Variants in WNT3A observed in about 807,000 individuals in gnomAD.
WNT3A encodes protein Wnt-3a.
A neutral mutation model predicts 37.0 loss-of-function variants in WNT3A; 17 were observed. That is an observed-to-expected ratio of 0.46 (90% CI 0.31 to 0.69). The LOEUF (loss-of-function observed/expected upper bound fraction) is 0.69. Ranked by LOEUF, WNT3A falls within the 30% of genes least tolerant of loss-of-function variation. The pLI is 0.05. For missense variants in WNT3A, 411 were observed against 510.2 expected, an observed-to-expected ratio of 0.81 and a Z score of 1.87; for synonymous variants, 187 against 211.0, an observed-to-expected ratio of 0.89 and a Z score of 0.99.
At position 228,042,213 on chromosome 1, in the gene WNT3A, G is replaced by A. The variant is rs542665154; in HGVS notation, c.314-8443G>A. Among the ~76,000 whole-genome samples the A allele has an allele frequency of 2.3e-4, 35 of 152,222 alleles. No homozygotes were observed. The highest frequency in any genetic ancestry group is 6.7e-4 in the African/African-American group (28 of 41,544). On this transcript the variant is annotated intron_variant, in intron 2 of 3. Transcript: ENST00000284523. The surrounding 1 kb of genome is among the most constrained non-coding windows in gnomAD (Gnocchi z 5.2). ...AGGATGGTCTCAATCTCTTGACCTC[G>A]TCATCTGCCCACCTCAGCCTCCCAA...
intron 2 of WNT3A, among the ~76,000 whole-genome samples, chr1:228,033,238 G>A (rs1335159917): frequency 1.3e-5 from 2 of 152,154 alleles, no homozygotes; most frequent in African/African-American, 4.8e-5. Context: ...CCATATCTAA[G>A]AGACAATTGC....
chr1:228,050,093 CAG>C lies in WNT3A; in HGVS notation c.314-562_314-561del. Among the ~76,000 whole-genome samples the C allele has an allele frequency of 6.6e-6, 1 of 151,910 alleles. No homozygotes were observed. The highest frequency in any genetic ancestry group is 3.4e-3 in the Middle Eastern group (1 of 290). ...CTTGCCAGCTGTATGTTTTTTAAGA[CAG>C]GGCTGGAGTGCAGTGGTGCTATCCT... On this transcript the variant is annotated intron_variant, in intron 2 of 3. Transcript: ENST00000284523. The surrounding 1 kb of genome is among the most constrained non-coding windows in gnomAD (Gnocchi z 5.0).
At chr1:228,025,356 T>C (rs1327202132) in intron 2 of WNT3A, among the ~76,000 whole-genome samples, 1 of 152,126 alleles carries the variant, frequency 6.6e-6, no homozygotes, top group Non-Finnish European at 1.5e-5. Flanking sequence ...TGTTTGTTTG[T>C]TTTTGTTTTT....
intron 1 of WNT3A, among the ~76,000 whole-genome samples, chr1:228,014,479 A>G (rs1045684864): frequency 5.9e-5 from 9 of 152,174 alleles, no homozygotes; most frequent in African/African-American, 2.2e-4. Context: ...GCTAAAAGAC[A>G]CCAGGCCTGG....
chr1:228,007,118 C>G lies in WNT3A; in HGVS notation c.-11C>G. 1.9e-6 allele frequency: 3 copies of G among 1,569,268 alleles called. No homozygotes were observed. The highest frequency in any genetic ancestry group is 2.6e-6 in the Non-Finnish European group (3 of 1,159,854). ...GCGGACTCCCGGCCCTCCGCGCCCT[C>G]TCGCGCGGCGATGGCCCCACTCGGA... On this transcript the variant is annotated 5_prime_UTR_variant, in exon 1 of 4. Coordinates refer to ENST00000284523, the MANE Select transcript of WNT3A (RefSeq NM_033131.4). This position sits in a 1 kb window ranked among gnomAD's most constrained non-coding sequence, Gnocchi z 6.0.
Position 228,022,688 on chromosome 1 carries a change from G to A in WNT3A, c.93G>A (p.Gln31=), listed in dbSNP as rs763783027. 2 of 1,614,060 alleles carry A rather than the reference G, an allele frequency of 1.2e-6. No homozygotes were observed. The highest frequency in any genetic ancestry group is 1.7e-5 in the Admixed American group (1 of 60,022). Residue 31 remains glutamine (Q), a synonymous_variant, in exon 2 of 4, where the codon CAG becomes CAA. Transcript: ENST00000284523. ...PIWWSLAVGP[Q]YSSLGSQPIL... ...GCAGGTCGCTGGCTGTTGGGCCACA[G>A]TATTCCTCCCTGGGCTCGCAGCCCA...
At position 228,047,312 on chromosome 1, in the gene WNT3A, C is replaced by T. The variant is rs13376036; in HGVS notation, c.314-3344C>T. On this transcript the variant is annotated intron_variant, in intron 2 of 3. Transcript: ENST00000284523. ...ACAGAAAAGTCAACCAAAGCAGGCC[C>T]GAGGGGCTCAGGGGGCTTTGTCAAC... 9.6e-3 allele frequency among the ~76,000 whole-genome samples: 1,458 copies of T among 152,276 alleles called. 37 individuals carry two copies. The highest frequency in any genetic ancestry group is 0.083 in the East Asian group (432 of 5,186).
At chr1:228,051,228 C>T (rs763515595) in intron 3 of WNT3A, among the ~76,000 whole-genome samples, 15 of 151,972 alleles carry the variant, frequency 9.9e-5, no homozygotes, top group Non-Finnish European at 1.5e-4. Context: ...GCCACAGAGA[C>T]GGGGAGGAAT....
At chr1:228,058,640 T>C (rs2031728479) in intron 3 of WNT3A, among the ~76,000 whole-genome samples, 1 of 152,264 alleles carries the variant, frequency 6.6e-6, no homozygotes, top group Non-Finnish European at 1.5e-5. Flanking sequence ...CCTATCCCCC[T>C]GCATCCCTGC....
At chr1:228,028,275 T>G (rs2030903020) in intron 2 of WNT3A, among the ~76,000 whole-genome samples, 1 of 149,040 alleles carries the variant, frequency 6.7e-6, no homozygotes, top group African/African-American at 2.5e-5. Context: ...ATTTGGGATC[T>G]TTTTTGGTTA....
At chr1:228,012,643 G>A (rs2030407866) in intron 1 of WNT3A, among the ~76,000 whole-genome samples, 1 of 152,148 alleles carries the variant, frequency 6.6e-6, no homozygotes, top group African/African-American at 2.4e-5. Context: ...GCTGGTTGCT[G>A]TTTCTGTTCA....
In WNT3A at chr1:228,038,513, G is replaced by A. The variant is rs2031196041; in HGVS notation, c.314-12143G>A. On this transcript the variant is annotated intron_variant, in intron 2 of 3. Transcript: ENST00000284523. The surrounding 1 kb of genome is among the most constrained non-coding windows in gnomAD (Gnocchi z 5.7). ...CATTTGGGGCCACAGTGACCTGCAGGCCCCTGGCCAGTCTGGTCAGGTGGT... is the reference window on the plus strand; with the variant it reads ...CATTTGGGGCCACAGTGACCTGCAGACCCCTGGCCAGTCTGGTCAGGTGGT... Among the ~76,000 whole-genome samples, 1 of 152,216 alleles carries A rather than the reference G, an allele frequency of 6.6e-6. No homozygotes were observed. The highest frequency in any genetic ancestry group is 1.5e-5 in the Non-Finnish European group (1 of 68,024).
intron 2 of WNT3A, among the ~76,000 whole-genome samples, chr1:228,027,102 C>G (rs1236894222): frequency 6.6e-6 from 1 of 152,216 alleles, no homozygotes; most frequent in Non-Finnish European, 1.5e-5. Context: ...CTCAGCCTCC[C>G]TAAGTGCTGG....
chr1:228,028,987 GACAA>G (rs2030924531), intron 2 of WNT3A, among the ~76,000 whole-genome samples: 1 of 152,038 alleles, frequency 6.6e-6, no homozygotes, highest in Non-Finnish European at 1.5e-5. Context: ...GGTTAAAACA[GACAA>G]ACAATTCCTT....
intron 1 of WNT3A, among the ~76,000 whole-genome samples, chr1:228,013,387 T>C (rs2030434069): frequency 1.3e-5 from 2 of 152,086 alleles, no homozygotes; most frequent in African/African-American, 4.8e-5. Flanking sequence ...ACCCTGGAGG[T>C]GTCTCTCACG....
intron 1 of WNT3A, among the ~76,000 whole-genome samples, chr1:228,011,171 C>G (rs146496311): frequency 6.6e-6 from 1 of 152,144 alleles, no homozygotes; most frequent in African/African-American, 2.4e-5. Flanking sequence ...AGAAGGAGCT[C>G]GGCTGGAATG....
Position 228,015,009 on chromosome 1 carries a change from G to GA in WNT3A, c.72-7651dup, listed in dbSNP as rs1174387919. ...CCCCTTCAAAACAAACGATTGTTAG[G>GA]AAAAAAACAAAACAAAACAAAACAA... On this transcript the variant is annotated intron_variant, in intron 1 of 3. Coordinates refer to ENST00000284523, the MANE Select transcript of WNT3A (RefSeq NM_033131.4). 4.6e-5 allele frequency among the ~76,000 whole-genome samples: 7 copies of GA among 152,122 alleles called. No individual in the cohort carries two copies. In the East Asian group the frequency reaches 7.7e-4, roughly 17 times the overall value.
rs111426627 is a variant in WNT3A at position 228,045,296 on chromosome 1, C to T, written c.314-5360C>T. Among the ~76,000 whole-genome samples, 74 of 152,088 alleles carry T rather than the reference C, an allele frequency of 4.9e-4. 1 individual carries two copies. Among genetic ancestry groups the T allele is most frequent in the Non-Finnish European group, 7.2e-4 (49 of 68,020 alleles). ...AGACAGACTCTTGTAGTAGCCAGGC[C>T]GTGAGGTGGGAAGGCAGACTCAGCT... On this transcript the variant is annotated intron_variant, in intron 2 of 3. Transcript: ENST00000284523.
At chr1:228,040,835 G>A (rs1571807605) in intron 2 of WNT3A, among the ~76,000 whole-genome samples, 3 of 149,028 alleles carry the variant, frequency 2.0e-5, no homozygotes, top group South Asian at 4.2e-4. Context: ...GCAGTGAGCC[G>A]AGATCGCGCC....
Sources: gnomAD v4.1 joint callset for allele counts (sites outside exome capture counted in the v4.1 genomes callset) on GRCh38, gnomAD v4.1.1 for gene constraint, Gnocchi (gnomAD v3.1) non-coding constraint, MANE v1.5 for transcripts, NCBI Gene and HGNC (gene_info 2026-07-23, HGNC 2026-07-21) for gene names.